CHCHD6: variants seen among roughly 807,000 people sequenced by gnomAD.
CHCHD6 encodes coiled-coil-helix-coiled-coil-helix domain containing 6.
In CHCHD6, 28 loss-of-function variants were observed where a neutral mutation model predicts 32.3. The ratio of observed to expected loss-of-function variants is 0.87; its 90% CI spans 0.64 to 1.19. The LOEUF (loss-of-function observed/expected upper bound fraction) is 1.19, where lower values mean the gene tolerates loss of function less well. CHCHD6 is among the 50% of genes most tolerant of loss of function. The pLI, the probability that CHCHD6 is intolerant of heterozygous loss-of-function variation, is 0.00. For synonymous variants in CHCHD6, 122 were observed against 117.5 expected (o/e 1.04, Z -0.25); for missense variants, 333 against 307.0 (o/e 1.08, Z -0.63).
At chr3:126,837,488 G>A (rs909956677) in intron 4 of CHCHD6, among the ~76,000 whole-genome samples, 1 of 152,178 alleles carries the variant, frequency 6.6e-6, no homozygotes, top group Non-Finnish European at 1.5e-5. Flanking sequence ...TGCCCAGGAG[G>A]TCGAGGCTGG....
intron 6 of CHCHD6, 35 bp from the exon 7 acceptor site, chr3:126,957,381 T>C: frequency 6.2e-7 from 1 of 1,601,076 alleles, no homozygotes; most frequent in Non-Finnish European, 8.5e-7. Flanking sequence ...TGCTGGCACC[T>C]GAGCCCCAGG....
At chr3:126,887,260 T>C (rs983489870) in intron 5 of CHCHD6, among the ~76,000 whole-genome samples, 3 of 152,200 alleles carry the variant, frequency 2.0e-5, no homozygotes, top group African/African-American at 7.2e-5. Context: ...TCTTTTTTTT[T>C]TTTTAATCTA....
chr3:126,766,239 C>T (rs1196523729), intron 4 of CHCHD6, among the ~76,000 whole-genome samples: 3 of 151,994 alleles, frequency 2.0e-5, no homozygotes, highest in Non-Finnish European at 2.9e-5. Context: ...GGGAAAAAAA[C>T]GTACTTTGGA....
chr3:126,817,414 C>CCAAAAAA (rs1289857899), intron 4 of CHCHD6, among the ~76,000 whole-genome samples: 1 of 151,502 alleles, frequency 6.6e-6, no homozygotes, highest in Admixed American at 6.6e-5. Flanking sequence ...TTGATAGTTA[C>CCAAAAAA]CAAAAAAAGA....
intron 5 of CHCHD6, among the ~76,000 whole-genome samples, chr3:126,902,064 A>G (rs1448094381): frequency 6.6e-6 from 1 of 152,200 alleles, no homozygotes; most frequent in African/African-American, 2.4e-5. Context: ...CAGGATTTAA[A>G]CTCAGGTCTC....
chr3:126,893,603 C>T (rs1409688379), intron 5 of CHCHD6, among the ~76,000 whole-genome samples: 2 of 152,340 alleles, frequency 1.3e-5, no homozygotes, highest in East Asian at 3.9e-4. Flanking sequence ...TAGCAGGGCT[C>T]CAGATTCAGG....
At chr3:126,727,395 A>G (rs976055563) in intron 2 of CHCHD6, among the ~76,000 whole-genome samples, 1 of 152,172 alleles carries the variant, frequency 6.6e-6, no homozygotes, top group African/African-American at 2.4e-5. Flanking sequence ...GGGTCGGACC[A>G]CCTTCCCTCT....
intron 1 of CHCHD6, among the ~76,000 whole-genome samples, chr3:126,713,172 T>A (rs902972273): frequency 5.3e-5 from 8 of 152,272 alleles, no homozygotes; most frequent in South Asian, 2.1e-4. Context: ...CTATTTTTTT[T>A]AAAAAACGCA....
rs182963789 is a variant in CHCHD6, at chr3:126,839,205, G to A, written c.412-13442G>A. On this transcript the variant is annotated intron_variant, in intron 4 of 7. Coordinates refer to ENST00000290913, the MANE Select transcript of CHCHD6 (RefSeq NM_032343.3). ...GTGCCTGGCCATTTTATTCTTGTAG[G>A]GAATATTTACTCTGTGTCACTTGGA... Among the ~76,000 whole-genome samples the A allele has an allele frequency of 3.0e-4, 46 of 152,170 alleles. No individual in the cohort carries two copies. In the East Asian group the frequency reaches 8.5e-3, roughly 28 times the overall value.
chr3:126,881,264 C>A (rs547021520), intron 5 of CHCHD6, among the ~76,000 whole-genome samples: 38 of 152,318 alleles, frequency 2.5e-4, no homozygotes, highest in South Asian at 6.2e-4. Context: ...TTCCCTGTGG[C>A]CTTAGGCACT....
chr3:126,776,287 A>C (rs970604284), intron 4 of CHCHD6, among the ~76,000 whole-genome samples: 2 of 152,204 alleles, frequency 1.3e-5, no homozygotes, highest in Non-Finnish European at 2.9e-5. Context: ...CTGCCTTTGT[A>C]GTATCATACA....
At chr3:126,731,252 A>T (rs763286107) in intron 3 of CHCHD6, among the ~76,000 whole-genome samples, 1 of 152,110 alleles carries the variant, frequency 6.6e-6, no homozygotes, top group Non-Finnish European at 1.5e-5. Context: ...GGTTGTCCAG[A>T]TGAACTGGCT....
At chr3:126,885,048 C>T (rs1576553108) in intron 5 of CHCHD6, among the ~76,000 whole-genome samples, 2 of 152,116 alleles carry the variant, frequency 1.3e-5, no homozygotes, top group South Asian at 2.1e-4. Context: ...GAAGGCCAGT[C>T]GTGGCACTGG....
intron 6 of CHCHD6, among the ~76,000 whole-genome samples, chr3:126,942,555 A>G (rs963233965): frequency 1.3e-5 from 2 of 152,180 alleles, no homozygotes; most frequent in Non-Finnish European, 2.9e-5. Context: ...ACTTATTTTA[A>G]TATTCAAAAT....
chr3:126,886,715 A>G (rs545315361), intron 5 of CHCHD6, among the ~76,000 whole-genome samples: 2 of 152,322 alleles, frequency 1.3e-5, no homozygotes, highest in African/African-American at 2.4e-5. Context: ...GGAAGAAGCA[A>G]TGTACTGCTG....
chr3:126,913,207 C>CTTTTTTTTTTTTTTTTTTTT (rs546179022), intron 5 of CHCHD6, among the ~76,000 whole-genome samples: 1 of 33,786 alleles, frequency 3.0e-5, no homozygotes, highest in African/African-American at 1.3e-4. Context: ...CCGTATGAGC[C>CTTTTTTTTTTTTTTTTTTTT]TTTTTTTTTT....
Position 126,778,824 on chromosome 3 carries a change from C to T in CHCHD6, c.411+45602C>T, listed in dbSNP as rs531448144. On this transcript the variant is annotated intron_variant, in intron 4 of 7. Coordinates refer to ENST00000290913, the MANE Select transcript of CHCHD6 (RefSeq NM_032343.3). The stretch of plus-strand genomic sequence containing the variant: ...GGAGTGCAGTGGTGTAATCATAGCT[C>T]ACTGCAGGCAGCCTTGAACTCCTGG... 2.5e-4 allele frequency among the ~76,000 whole-genome samples: 38 copies of T among 152,206 alleles called. 1 individual carries two copies. Among genetic ancestry groups the T allele is most frequent in the Middle Eastern group, 3.4e-3 (1 of 294 alleles).
intron 3 of CHCHD6, 45 bp from the exon 4 acceptor site, chr3:126,733,033 G>T (rs201955905): frequency 3.1e-6 from 5 of 1,605,498 alleles, no homozygotes; most frequent in Non-Finnish European, 4.3e-6. Flanking sequence ...TGGGCTGCCC[G>T]TCATGCCATC....
At chr3:126,816,517 C>T (rs1026703859) in intron 4 of CHCHD6, among the ~76,000 whole-genome samples, 3 of 152,088 alleles carry the variant, frequency 2.0e-5, no homozygotes, top group Non-Finnish European at 4.4e-5. Context: ...AAGGGTCTGG[C>T]TTGCAGAGGC....
Sources: allele counts gnomAD v4.1 joint callset (sites outside exome capture counted in the v4.1 genomes callset), GRCh38; gene constraint gnomAD v4.1.1; transcripts MANE v1.5; gene names NCBI Gene and HGNC (gene_info 2026-07-23, HGNC 2026-07-21).